Variants in HSP90AA1 observed in about 807,000 individuals in gnomAD.
HSP90AA1 encodes the protein heat shock protein HSP 90-alpha.
In HSP90AA1, 18 loss-of-function variants were observed where a neutral mutation model predicts 73.3. The observed-to-expected ratio is 0.25, with a 90% confidence interval of 0.17 to 0.36. HSP90AA1 has a LOEUF of 0.36. Among genes scored for constraint, HSP90AA1 ranks in the 10% least tolerant of loss-of-function variants. The probability of loss-of-function intolerance (pLI) is 1.00; values close to 1 mark genes in which losing one functional copy is unlikely to be tolerated. For synonymous variants in HSP90AA1, 477 were observed against 296.9 expected, an observed-to-expected ratio of 1.61 and a Z score of -6.24; for missense variants, 704 against 874.2, an observed-to-expected ratio of 0.81 and a Z score of 2.45.
intron 1 of HSP90AA1, among the ~76,000 whole-genome samples, chr14:102,115,698 T>A (rs563291899): frequency 6.6e-6 from 1 of 151,954 alleles, no homozygotes. Context: ...TGAGCCATGA[T>A]TGTGACCCTC....
chr14:102,103,180 C>CAAA (rs898771022), intron 1 of HSP90AA1, among the ~76,000 whole-genome samples: 28 of 37,082 alleles, frequency 7.6e-4, no homozygotes, highest in Non-Finnish European at 9.7e-4. Flanking sequence ...GACTCAGTCT[C>CAAA]AAAAAAAAAA....
At chr14:102,086,434 G>C in intron 1 of HSP90AA1, 56 bp from the exon 2 acceptor site, 2 of 1,583,050 alleles carry the variant, frequency 1.3e-6, no homozygotes, top group South Asian at 2.2e-5. Context: ...GAGGCAACAC[G>C]AAATTCCATC....
chr14:102,110,286 C>T (rs573126243), intron 1 of HSP90AA1, among the ~76,000 whole-genome samples: 2 of 152,138 alleles, frequency 1.3e-5, no homozygotes, highest in East Asian at 1.9e-4. Flanking sequence ...CCTGCCCTGC[C>T]CTAAAGATTT....
At chr14:102,133,486 T>TC (rs1356286234) in intron 1 of HSP90AA1, among the ~76,000 whole-genome samples, 1 of 4,960 alleles carries the variant, frequency 2.0e-4, no homozygotes, top group East Asian at 0.062. Flanking sequence ...AAACTAGTTC[T>TC]TTTTTTTTTT....
At chr14:102,088,379 C>T (rs528669548), upstream of HSP90AA1, among the ~76,000 whole-genome samples, 24 of 152,324 alleles carry the variant, frequency 1.6e-4, no homozygotes, top group African/African-American at 5.8e-4. Flanking sequence ...CTGAAAGCTC[C>T]TTGCCGTGTA....
At chr14:102,084,649 G>A (rs2049179569) in intron 5 of HSP90AA1, 32 bp downstream of exon 5, 3 of 1,614,050 alleles carry the variant, frequency 1.9e-6, no homozygotes, top group South Asian at 1.1e-5. Flanking sequence ...GATAATCTAA[G>A]GACAAGCTTG....
chr14:102,094,896 C>T (rs2049404733), intron 2 of HSP90AA1, among the ~76,000 whole-genome samples: 1 of 152,158 alleles, frequency 6.6e-6, no homozygotes, highest in Non-Finnish European at 1.5e-5. Context: ...GAGCCTGTCC[C>T]TGAAGAGTTG....
chr14:102,118,709 G>A (rs1452073374), intron 1 of HSP90AA1, among the ~76,000 whole-genome samples: 1 of 151,878 alleles, frequency 6.6e-6, no homozygotes, highest in African/African-American at 2.4e-5. Flanking sequence ...GTTTGTTTCT[G>A]GATTTCTCAT....
intron 1 of HSP90AA1, among the ~76,000 whole-genome samples, chr14:102,119,864 G>A (rs904765187): frequency 6.6e-6 from 1 of 152,136 alleles, no homozygotes; most frequent in Non-Finnish European, 1.5e-5. Context: ...TTTTGAGGGA[G>A]TGTCTATATG....
chr14:102,093,133 T>C (rs2049380135), intron 2 of HSP90AA1, among the ~76,000 whole-genome samples: 1 of 151,650 alleles, frequency 6.6e-6, no homozygotes, highest in Non-Finnish European at 1.5e-5. Flanking sequence ...TATAGGAAAA[T>C]TAAGTGGTTC....
intron 2 of HSP90AA1, among the ~76,000 whole-genome samples, chr14:102,095,439 C>T (rs1291516814): frequency 1.3e-5 from 2 of 152,156 alleles, no homozygotes; most frequent in Non-Finnish European, 2.9e-5. Flanking sequence ...CATCCCCTGG[C>T]ATCTGCTCTG....
chr14:102,089,101 A>C (rs573580951), upstream of HSP90AA1, among the ~76,000 whole-genome samples: 57 of 151,936 alleles, frequency 3.8e-4, no homozygotes, highest in Non-Finnish European at 7.4e-4. Context: ...TTGTATTTTT[A>C]GTAGAGACGG....
intron 1 of HSP90AA1, among the ~76,000 whole-genome samples, chr14:102,111,537 C>A (rs990717726): frequency 6.6e-6 from 1 of 152,212 alleles, no homozygotes; most frequent in Non-Finnish European, 1.5e-5. Context: ...TACACCCCTT[C>A]CAAATGGGAG....
Position 102,081,219 on chromosome 14 carries a change from T to G in HSP90AA1, c.*493A>C. 4.1e-6 allele frequency: 1 copy of G among 244,162 alleles called. No homozygotes were observed. 15.1% of individuals were successfully genotyped at this position (244,162 alleles called of 1,614,324 possible). A position where few individuals can be genotyped will look rare whatever the true frequency, so the allele number is the denominator to read the frequency against. ...ACTTTTCTTTGGAAAACAAGCCCTG[T>G]GGAGAGATCCTTCCATCAAGTTGCT... On this transcript the variant is annotated 3_prime_UTR_variant, in exon 11 of 11. Transcript: ENST00000216281.
intron 1 of HSP90AA1, among the ~76,000 whole-genome samples, chr14:102,134,289 C>T (rs1429127566): frequency 1.8e-4 from 24 of 130,124 alleles, no homozygotes; most frequent in African/African-American, 6.9e-4. Context: ...GGAGCCACTA[C>T]TCAAACCTGG....
chr14:102,135,709 G>A (rs1196051430), intron 1 of HSP90AA1, among the ~76,000 whole-genome samples: 1 of 152,234 alleles, frequency 6.6e-6, no homozygotes, highest in East Asian at 1.9e-4. Flanking sequence ...CCGGTGGGCC[G>A]GCACTGCTGG....
At chr14:102,135,673 G>A (rs1435344477) in intron 1 of HSP90AA1, among the ~76,000 whole-genome samples, 1 of 152,262 alleles carries the variant, frequency 6.6e-6, no homozygotes, top group East Asian at 1.9e-4. Context: ...AGGCAGCTAA[G>A]GCCCGGCGAG....
At chr14:102,116,189 G>A (rs1310132171) in intron 1 of HSP90AA1, among the ~76,000 whole-genome samples, 1 of 151,892 alleles carries the variant, frequency 6.6e-6, no homozygotes, top group Non-Finnish European at 1.5e-5. Context: ...TCCTGACCTC[G>A]TGATCCACCA....
Position 102,100,499 on chromosome 14 carries a change from C to T in HSP90AA1, c.366+1376G>A, listed in dbSNP as rs944485924. ...GGAGTGCAATGGCACGATCTCAGCT[C>T]CCCACAACCTCCGCCTCCCGGGTTC... On this transcript the variant is annotated intron_variant, in intron 2 of 11. Coordinates refer to the HSP90AA1 transcript ENST00000334701. Among the ~76,000 whole-genome samples, 74 of 151,612 alleles carry T rather than the reference C, an allele frequency of 4.9e-4. 1 individual carries two copies. Among genetic ancestry groups the T allele is most frequent in the African/African-American group, 1.7e-3 (71 of 41,276 alleles).
Sources: allele counts gnomAD v4.1 joint callset (sites outside exome capture counted in the v4.1 genomes callset), GRCh38; gene constraint gnomAD v4.1.1; transcripts MANE v1.5; gene names NCBI Gene and HGNC (gene_info 2026-07-23, HGNC 2026-07-21).